The following KRT12 variants were observed in gnomAD, a reference collection of about 807,000 sequenced individuals.
KRT12 encodes keratin 12.
In KRT12, 43 loss-of-function variants were observed where a neutral mutation model predicts 50.2. The observed-to-expected ratio is 0.86, with a 90% confidence interval of 0.67 to 1.11. The LOEUF is 1.11. Among genes scored for constraint, KRT12 ranks in the 50% least tolerant of loss-of-function variants. The pLI is 0.00. For synonymous variants in KRT12, 257 were observed against 253.6 expected, an observed-to-expected ratio of 1.01 and a Z score of -0.13; for missense variants, 588 against 625.6, an observed-to-expected ratio of 0.94 and a Z score of 0.64.
chr17:40,864,697 T>C (rs1271651040), intron 3 of KRT12, 109 bp downstream of exon 3: 2 of 1,110,936 alleles, frequency 1.8e-6, no homozygotes, highest in Admixed American at 1.7e-5. Flanking sequence ...AGGGAGACAA[T>C]GTATTCTCCA....
chr17:40,866,504 C>A, intron 1 of KRT12, 116 bp downstream of exon 1: 1 of 919,764 alleles, frequency 1.1e-6, no homozygotes. Context: ...GAGAAAATTG[C>A]TGCAAGTACA....
chr17:40,866,283 T>C, intron 1 of KRT12, 46 bp from the exon 2 acceptor site: 2 of 1,403,392 alleles, frequency 1.4e-6, no homozygotes, highest in Non-Finnish European at 2.0e-6. Flanking sequence ...CCTAAAAGAC[T>C]AGTATTATAC....
intron 1 of KRT12, among the ~76,000 whole-genome samples, 187 bp downstream of exon 1, chr17:40,866,433 A>T (rs1907024867): frequency 6.6e-6 from 1 of 152,238 alleles, no homozygotes; most frequent in African/African-American, 2.4e-5. Context: ...TCCTACAGAA[A>T]GATAATGGAA....
intron 3 of KRT12, among the ~76,000 whole-genome samples, 197 bp downstream of exon 3, chr17:40,864,609 T>C (rs916929): frequency 0.82 from 124,635 of 151,826 alleles, 51,376 homozygotes; most frequent in East Asian, 0.99. Flanking sequence ...CCACCATCAC[T>C]ACTACCAACA....
chr17:40,863,819 C>G lies in KRT12; in HGVS notation c.853G>C (p.Glu285Gln), dbSNP rs1906903833. The stretch of plus-strand genomic sequence containing the variant: ...TCCACTCCGGGGGCAGCGTCCATTT[C>G]TACGCTGACCTCGCCTGGGCCGCCC... ...RVGGPGEVSV[E>Q]MDAAPGVDLT... Residue 285 changes from glutamate to glutamine, a missense_variant, in exon 4 of 8, where the codon GAA becomes CAA. Transcript: ENST00000251643. The surrounding 1 kb of genome is among the most constrained non-coding windows in gnomAD (Gnocchi z 4.2). The G allele has an allele frequency of 6.2e-7, 1 of 1,611,430 alleles. No individual in the cohort carries two copies. Among genetic ancestry groups the G allele is most frequent in the African/African-American group, 1.3e-5 (1 of 74,856 alleles).
chr17:40,864,202 C>A (rs1249499844), intron 3 of KRT12, among the ~76,000 whole-genome samples: 1 of 152,112 alleles, frequency 6.6e-6, no homozygotes, highest in East Asian at 1.9e-4. Context: ...GGACCACGAC[C>A]TTCACGTGAA....
At chr17:40,864,181 T>C (rs1174172587) in intron 3 of KRT12, among the ~76,000 whole-genome samples, 1 of 152,188 alleles carries the variant, frequency 6.6e-6, no homozygotes, top group Non-Finnish European at 1.5e-5. Context: ...AAGTTGGCTC[T>C]GCTTCTTGAG....
In KRT12 at chr17:40,863,176, G is replaced by A. The variant is rs780048510; in HGVS notation, c.1263C>T (p.Arg421=). Residue 421 remains arginine (R), a synonymous_variant, in exon 6 of 8, where the codon CGC becomes CGT. Coordinates refer to ENST00000251643, the MANE Select transcript of KRT12 (RefSeq NM_000223.4). This position sits in a 1 kb window ranked among gnomAD's most constrained non-coding sequence, Gnocchi z 4.2. ...GGTAGGTCTCAATCTCCAGCTCCAG[G>A]CGGGCCTTGACATTCAGCAGCCGCT... The part of the protein sequence containing the change: ...DHQRLLNVKA[R]LELEIETYRR... 60 of 1,614,032 alleles carry A rather than the reference G, an allele frequency of 3.7e-5. No homozygotes were observed. The highest frequency in any genetic ancestry group is 2.9e-4 in the South Asian group (26 of 91,094).
intron 7 of KRT12, among the ~76,000 whole-genome samples, chr17:40,862,015 G>A (rs565518793): frequency 6.6e-6 from 1 of 152,142 alleles, no homozygotes; most frequent in South Asian, 2.1e-4. Flanking sequence ...ATAATACCTT[G>A]CAGCAGAGTA....
At position 40,866,656 on chromosome 17, in the gene KRT12, G is replaced by A; in HGVS notation, c.531C>T (p.Ser177=). 1.2e-6 allele frequency: 2 copies of A among 1,614,038 alleles called. No homozygotes were observed. The highest frequency in any genetic ancestry group is 1.7e-6 in the Non-Finnish European group (2 of 1,179,986). ...GGTCTTCAATCAGTGGATAATATTT[G>A]CTGTAATCGCTCTGTGAAGCATCTG... ...GTADASQSDY[S]KYYPLIEDLR... Residue 177 remains serine, a synonymous_variant, in exon 1 of 8, where the codon AGC becomes AGT. Coordinates refer to ENST00000251643, the MANE Select transcript of KRT12 (RefSeq NM_000223.4).
In KRT12 at chr17:40,866,824, A is replaced by G; in HGVS notation, c.363T>C (p.Leu121=). 6.2e-7 allele frequency: 1 copy of G among 1,614,178 alleles called. No homozygotes were observed. The highest frequency in any genetic ancestry group is 1.7e-5 in the Admixed American group (1 of 60,022). The change falls in exon 1 of 8, where the codon CTT becomes CTC. Residue 121 remains leucine, a synonymous_variant. Transcript: ENST00000251643. ...GILSGNDGGL[L]SGSEKETMQN... is the part of the protein sequence containing the mutation. ...GCATAGTTTCTTTTTCTGATCCAGA[A>G]AGAAGGCCTCCATCATTGCCCGAGA...
At position 40,864,899 on chromosome 17, in the gene KRT12, C is replaced by A. The variant is rs936578667; in HGVS notation, c.714G>T (p.Val238=). The A allele has an allele frequency of 2.9e-5, 47 of 1,614,130 alleles. No homozygotes were observed. Among genetic ancestry groups the A allele is most frequent in the Non-Finnish European group, 4.0e-5 (47 of 1,180,050 alleles). Residue 238 remains valine, a synonymous_variant, in exon 3 of 8, where the codon GTG becomes GTT. Transcript: ENST00000251643. ...VEADINGLRR[V]LDELTLTRTD... ...TCCTGGTCAGGGTCAGCTCGTCCAG[C>A]ACCCGGCGCAGGCCATTGATGTCGG...
chr17:40,864,880 T>A lies in KRT12; in HGVS notation c.733A>T (p.Thr245Ser). The A allele has an allele frequency of 6.2e-7, 1 of 1,614,206 alleles. No homozygotes were observed. Among genetic ancestry groups the A allele is most frequent in the South Asian group, 1.1e-5 (1 of 91,086 alleles). ...LRRVLDELTL[T>S]RTDLEMQIES... Reference sequence around the variant, plus strand: ...ATCTGCATCTCCAGGTCGGTCCTGGTCAGGGTCAGCTCGTCCAGCACCCGG... The same window carrying A: ...ATCTGCATCTCCAGGTCGGTCCTGGACAGGGTCAGCTCGTCCAGCACCCGG... The change falls in exon 3 of 8, where the codon ACC becomes TCC. Residue 245 changes from threonine to serine, a missense_variant. Transcript: ENST00000251643.
Position 40,866,762 on chromosome 17 carries a change from T to G in KRT12, c.425A>C (p.Lys142Thr), listed in dbSNP as rs745325692. Residue 142 changes from lysine to threonine, a missense_variant, in exon 1 of 8, where the codon AAG becomes ACG. Lys to Thr is a moderately conservative substitution (Grantham distance 78). Transcript: ENST00000251643. ...ATTAGCCTCTTCTAGAGCTCGCACCTTATCCAGGTAGGAAGCTAATCTATC... is the reference window on the plus strand; with the variant it reads ...ATTAGCCTCTTCTAGAGCTCGCACCGTATCCAGGTAGGAAGCTAATCTATC... ...LNDRLASYLDKVRALEEANTE... is the reference protein window; with the variant it reads ...LNDRLASYLDTVRALEEANTE... 2 of 1,614,084 alleles carry G rather than the reference T, an allele frequency of 1.2e-6. No homozygotes were observed. Among genetic ancestry groups the G allele is most frequent in the East Asian group, 4.5e-5 (2 of 44,882 alleles).
Position 40,862,481 on chromosome 17 carries a change from G to A in KRT12, c.1387+84C>T, listed in dbSNP as rs1906838233. ...GCTTTAAATTAAAATTAATAATAAT[G>A]CAGTAGTCAATGAGGTCTTACAGGT... is the stretch of plus-strand genomic sequence containing the variant. On this transcript the variant is annotated intron_variant, in intron 7 of 7. Transcript: ENST00000251643. 4.6e-6 allele frequency: 4 copies of A among 861,418 alleles called. No homozygotes were observed. In the Admixed American group the frequency reaches 6.8e-5, roughly 15 times the overall value. 53.4% of individuals were successfully genotyped at this position (861,418 alleles called of 1,614,324 possible). A position where few individuals can be genotyped will look rare whatever the true frequency, so the allele number is the denominator to read the frequency against.
rs1470590781 is a variant in KRT12, at chr17:40,867,168, TG to T, written c.18del (p.Asn6LysfsTer21). 1 of 1,607,316 alleles carries T rather than the reference TG, an allele frequency of 6.2e-7. No individual in the cohort carries two copies. Among genetic ancestry groups the T allele is most frequent in the Admixed American group, 1.7e-5 (1 of 60,010 alleles). ...GGGGTGCGCACTGAGAGTGACATGG[TG>T]TTGTTGGAGAGATCCATGGCCTGGG... is the stretch of plus-strand genomic sequence containing the variant. MDLSN[N>X]TMSLSVRTPG... On this transcript the variant is annotated frameshift_variant, in exon 1 of 8. Coordinates refer to ENST00000251643, the MANE Select transcript of KRT12 (RefSeq NM_000223.4). LOFTEE classifies it high-confidence loss of function.
rs866275199 is a variant in KRT12 at position 40,866,861 on chromosome 17, G to A, written c.326C>T (p.Ser109Phe). ...MGFGGSPGGG[S>F]LGILSGNDGG... ...ATCATTGCCCGAGAGAATACCTAGA[G>A]AGCCACCTCCTGGGCTGCCCCCAAA... The change falls in exon 1 of 8, where the codon TCT becomes TTT. Residue 109 changes from serine (S) to phenylalanine (F), a missense_variant. By Grantham distance (155) the Ser-to-Phe change is radical (BLOSUM62 -2). Coordinates refer to ENST00000251643, the MANE Select transcript of KRT12 (RefSeq NM_000223.4). 6.2e-7 allele frequency: 1 copy of A among 1,614,110 alleles called. No individual in the cohort carries two copies. The highest frequency in any genetic ancestry group is 1.1e-5 in the South Asian group (1 of 91,074).
chr17:40,863,569 C>T lies in KRT12; in HGVS notation c.1011G>A (p.Gln337=), dbSNP rs1330165318. The T allele has an allele frequency of 1.2e-6, 2 of 1,614,236 alleles. No homozygotes were observed. Among genetic ancestry groups the T allele is most frequent in the Admixed American group, 3.3e-5 (2 of 60,026 alleles). ...LRKEISTNTE[Q]LQSSKSEVTD... is the part of the protein sequence containing the mutation. ...TGACCTCGCTCTTGCTGGACTGAAGCTGCTCGGTGTTGGTGCTAATCTCCT... is the reference window on the plus strand; with the variant it reads ...TGACCTCGCTCTTGCTGGACTGAAGTTGCTCGGTGTTGGTGCTAATCTCCT... Residue 337 remains glutamine (Q), a synonymous_variant, in exon 5 of 8, where the codon CAG becomes CAA. Transcript: ENST00000251643. This position sits in a 1 kb window ranked among gnomAD's most constrained non-coding sequence, Gnocchi z 4.2.
Position 40,866,697 on chromosome 17 carries a change from G to A in KRT12, c.490C>T (p.Arg164Ter), listed in dbSNP as rs762800966. ...ENKIREWYETRGTGTADASQS... is the reference protein window; with the variant it reads ...ENKIREWYET Reference sequence around the variant, plus strand: ...GAAGCATCTGCAGTCCCAGTTCCTCGTGTTTCATACCATTCTCGAATTTTA... The same window carrying A: ...GAAGCATCTGCAGTCCCAGTTCCTCATGTTTCATACCATTCTCGAATTTTA... Residue 164 changes from arginine to a stop codon, truncating the protein, a stop_gained, in exon 1 of 8, where the codon CGA (arginine) becomes TGA (stop). Transcript: ENST00000251643. LOFTEE classifies it high-confidence loss of function. The A allele has an allele frequency of 3.1e-6, 5 of 1,614,016 alleles. No homozygotes were observed. In the African/African-American group the frequency reaches 4.0e-5, roughly 13 times the overall value.
Sources: gnomAD v4.1 joint callset for allele counts (sites outside exome capture counted in the v4.1 genomes callset) on GRCh38, gnomAD v4.1.1 for gene constraint, Gnocchi (gnomAD v3.1) non-coding constraint, MANE v1.5 for transcripts, NCBI Gene and HGNC (gene_info 2026-07-23, HGNC 2026-07-21) for gene names.